The following CHIC1 variants were observed in gnomAD, a reference collection of about 807,000 sequenced individuals.
The protein encoded by CHIC1 is cysteine-rich hydrophobic domain-containing protein 1.
A neutral mutation model predicts 18.5 loss-of-function variants in CHIC1; 7 were observed. The observed-to-expected ratio is 0.38, with a 90% confidence interval of 0.22 to 0.71. The LOEUF is 0.71. CHIC1 is among the 30% of genes least tolerant of loss of function. The probability of loss-of-function intolerance (pLI) is 0.49; values close to 1 mark genes in which losing one functional copy is unlikely to be tolerated. For missense variants in CHIC1, 159 were observed against 176.9 expected (o/e 0.90, Z 0.57); for synonymous variants, 77 against 73.5 (o/e 1.05, Z -0.25).
At chrX:73,607,777 C>T (rs746877597) in intron 3 of CHIC1, among the ~76,000 whole-genome samples, 2 of 107,693 alleles carry the variant, frequency 1.9e-5, no homozygotes, top group East Asian at 2.9e-4. Context: ...CCAGGTGAGG[C>T]GACACCCCAC....
intron 3 of CHIC1, among the ~76,000 whole-genome samples, chrX:73,629,089 G>A (rs2057796287): frequency 9.0e-6 from 1 of 110,863 alleles, no homozygotes; most frequent in African/African-American, 3.3e-5. Context: ...TGTTGAGCAC[G>A]TTTTCATATA....
At chrX:73,635,422 A>G (rs1030769352) in intron 3 of CHIC1, among the ~76,000 whole-genome samples, 5 of 111,968 alleles carry the variant, frequency 4.5e-5, no homozygotes, top group African/African-American at 1.6e-4. Flanking sequence ...AATTTTTGGA[A>G]GAGTTTGAGA....
At chrX:73,650,067 A>G (rs914410080) in intron 3 of CHIC1, among the ~76,000 whole-genome samples, 3 of 112,450 alleles carry the variant, frequency 2.7e-5, no homozygotes, top group African/African-American at 9.7e-5. Flanking sequence ...GGAAATTGAA[A>G]AACCTGTTCC....
chrX:73,566,383 T>G (rs1327451173), intron 1 of CHIC1, among the ~76,000 whole-genome samples: 1 of 109,963 alleles, frequency 9.1e-6, no homozygotes, highest in East Asian at 2.9e-4. Context: ...CTTCCTTCAA[T>G]CTCAGAGTTC....
At chrX:73,590,632 G>A (rs1295443993) in intron 3 of CHIC1, among the ~76,000 whole-genome samples, 2 of 111,063 alleles carry the variant, frequency 1.8e-5, no homozygotes, top group Non-Finnish European at 3.8e-5. Flanking sequence ...CATCCCACCC[G>A]CATATCCTGA....
chrX:73,674,306 T>A (rs1224762698), intron 3 of CHIC1, among the ~76,000 whole-genome samples: 2 of 112,187 alleles, frequency 1.8e-5, no homozygotes, highest in Admixed American at 1.9e-4. Flanking sequence ...TCAGAAGGAA[T>A]GGTACCAGCT....
intron 3 of CHIC1, among the ~76,000 whole-genome samples, chrX:73,611,213 C>T (rs1355255346): frequency 2.8e-5 from 3 of 107,670 alleles, no homozygotes; most frequent in Non-Finnish European, 5.7e-5. Flanking sequence ...TGTTCCCCTT[C>T]CTATGTCCAT....
At chrX:73,595,265 C>T (rs2057601717) in intron 3 of CHIC1, among the ~76,000 whole-genome samples, 1 of 110,731 alleles carries the variant, frequency 9.0e-6, no homozygotes, top group Non-Finnish European at 1.9e-5. Flanking sequence ...TGGTGGTTTG[C>T]TGCACCTATC....
chrX:73,620,918 G>A (rs145906978), intron 3 of CHIC1, among the ~76,000 whole-genome samples: 3,697 of 111,726 alleles, frequency 0.033, 169 homozygotes, highest in African/African-American at 0.11. Context: ...TTCTGCATAT[G>A]ACTAGCAAGT....
intron 3 of CHIC1, among the ~76,000 whole-genome samples, chrX:73,669,566 A>G (rs1467289852): frequency 9.7e-6 from 1 of 103,211 alleles, no homozygotes; most frequent in Non-Finnish European, 2.0e-5. Context: ...AGTTGCCTGC[A>G]GGCGTGGCTG....
intron 3 of CHIC1, among the ~76,000 whole-genome samples, chrX:73,677,540 G>T (rs772315072): frequency 1.2e-4 from 14 of 112,469 alleles, no homozygotes; most frequent in South Asian, 7.4e-4. Flanking sequence ...CTCCGAGCCA[G>T]GTGCAGGATA....
intron 3 of CHIC1, among the ~76,000 whole-genome samples, chrX:73,615,747 C>T (rs1056011865): frequency 7.2e-5 from 8 of 111,018 alleles, no homozygotes; most frequent in Admixed American, 9.6e-5. Flanking sequence ...TGGTACACAG[C>T]GGCAGGGTCA....
intron 3 of CHIC1, among the ~76,000 whole-genome samples, chrX:73,676,716 C>G (rs1340652966): frequency 4.5e-5 from 5 of 111,800 alleles, no homozygotes; most frequent in African/African-American, 1.6e-4. Flanking sequence ...TCATTTGAAG[C>G]CTTCTTCTCT....
At chrX:73,580,471 A>G (rs2057521379) in intron 2 of CHIC1, among the ~76,000 whole-genome samples, 1 of 110,843 alleles carries the variant, frequency 9.0e-6, no homozygotes, top group Non-Finnish European at 1.9e-5. Context: ...CACTAAAAGG[A>G]ATTCTGAAGA....
chrX:73,668,187 T>C (rs907579369), intron 3 of CHIC1, among the ~76,000 whole-genome samples: 1 of 112,362 alleles, frequency 8.9e-6, no homozygotes, highest in Middle Eastern at 4.2e-3. Context: ...TGTGAAGTTC[T>C]TGTATATTTT....
At chrX:73,604,104 GTAGAATT>G (rs1569502159) in intron 3 of CHIC1, among the ~76,000 whole-genome samples, 1 of 106,807 alleles carries the variant, frequency 9.4e-6, no homozygotes, top group Non-Finnish European at 1.9e-5. Flanking sequence ...TGTACCTCTG[GTAGAATT>G]CAGCTGTGAA....
At chrX:73,609,018 G>A (rs2057695532) in intron 3 of CHIC1, among the ~76,000 whole-genome samples, 1 of 105,891 alleles carries the variant, frequency 9.4e-6, no homozygotes, top group South Asian at 4.1e-4. Context: ...AGCTGGGTGT[G>A]GTGGCACACT....
At chrX:73,645,327 T>G (rs1356435259) in intron 3 of CHIC1, among the ~76,000 whole-genome samples, 2 of 112,261 alleles carry the variant, frequency 1.8e-5, no homozygotes, top group Admixed American at 9.4e-5. Flanking sequence ...GACACTTAGG[T>G]ATCTCTCTAT....
intron 5 of CHIC1, among the ~76,000 whole-genome samples, chrX:73,680,138 A>G (rs1215691270): frequency 9.2e-6 from 1 of 108,375 alleles, no homozygotes; most frequent in Admixed American, 9.9e-5. Context: ...CTTTTAGTGA[A>G]GAAACTGTAG....
Sources: allele counts gnomAD v4.1 joint callset (sites outside exome capture counted in the v4.1 genomes callset), GRCh38; gene constraint gnomAD v4.1.1; transcripts MANE v1.5; gene names NCBI Gene and HGNC (gene_info 2026-07-23, HGNC 2026-07-21).